The following RICTOR variants were observed in gnomAD, a reference collection of about 807,000 sequenced individuals.
RICTOR encodes RPTOR independent companion of MTOR complex 2, also known as rapamycin-insensitive companion of mTOR.
A neutral mutation model predicts 214.9 loss-of-function variants in RICTOR; 49 were observed. The observed-to-expected ratio is 0.23, with a 90% CI of 0.18 to 0.29. RICTOR has a LOEUF of 0.29. Ranked by LOEUF, RICTOR falls within the 10% of genes least tolerant of loss-of-function variation. The pLI, the probability that RICTOR is intolerant of heterozygous loss-of-function variation, is 1.00. For synonymous variants in RICTOR, 717 were observed against 711.3 expected (o/e 1.01, Z -0.13); for missense variants, 1,625 against 2,047.0 (o/e 0.79, Z 3.98).
At chr5:38,993,487 T>C (rs1008141195) in intron 6 of RICTOR, among the ~76,000 whole-genome samples, 2 of 151,634 alleles carry the variant, frequency 1.3e-5, no homozygotes, top group Non-Finnish European at 2.9e-5. Flanking sequence ...ATCAGAGACA[T>C]GGAAAAGAAA....
intron 2 of RICTOR, among the ~76,000 whole-genome samples, chr5:39,055,120 A>AT (rs1218128712): frequency 6.6e-6 from 1 of 152,048 alleles, no homozygotes; most frequent in Non-Finnish European, 1.5e-5. Flanking sequence ...GGGCAGAGTG[A>AT]TTTTTCTAAA....
In RICTOR at chr5:38,959,334, A is replaced by G. The variant is rs752982517; in HGVS notation, c.2052-13T>C. ...AAGATTAAGGAGACTTAAAAGAAAA[A>G]AAAAATAAGAATGGTTAAAAGAAAT... On this transcript the variant is annotated splice_polypyrimidine_tract_variant and intron_variant, in intron 21 of 37. Coordinates refer to ENST00000357387, the MANE Select transcript of RICTOR (RefSeq NM_152756.5). The G allele has an allele frequency of 7.0e-7, 1 of 1,425,634 alleles. No individual in the cohort carries two copies. The highest frequency in any genetic ancestry group is 2.2e-5 in the Admixed American group (1 of 44,518). The allele number at this position is 1,425,634 out of a possible 1,614,324, so 88.3% of individuals were successfully genotyped here. A position where few individuals can be genotyped will look rare whatever the true frequency, so the allele number is the denominator to read the frequency against.
chr5:38,958,783 T>C lies in RICTOR; in HGVS notation c.2227A>G (p.Asn743Asp). Residue 743 changes from asparagine (N) to aspartate (D), a missense_variant, in exon 23 of 38, where the codon AAT becomes GAT. Asn to Asp is a conservative substitution (Grantham distance 23). Transcript: ENST00000357387. ...CCCCAATTATTAAAGAATTCAACAT[T>C]AGCTCTCAATAATACCCTTAAATGT... ...TKHLRVLLRA[N>D]VEFFNNWGIE... The C allele has an allele frequency of 6.2e-7, 1 of 1,609,730 alleles. No homozygotes were observed. The highest frequency in any genetic ancestry group is 8.5e-7 in the Non-Finnish European group (1 of 1,177,262).
chr5:39,040,211 G>C (rs970744770), intron 2 of RICTOR, among the ~76,000 whole-genome samples: 1 of 150,960 alleles, frequency 6.6e-6, no homozygotes, highest in African/African-American at 2.4e-5. Context: ...GCAAACTATT[G>C]CAAGGACAAA....
chr5:38,949,982 G>C lies in RICTOR; in HGVS notation c.3866C>G (p.Pro1289Arg). ...LSKSNSVSLV[P>R]PGSSHTLPRR... ...AGGAAGCGTATGAGAAGAACCTGGA[G>C]GCACCAGGGACACCGAATTTGATTT... Residue 1289 changes from proline to arginine, a missense_variant, in exon 31 of 38, where the codon CCT becomes CGT. Coordinates refer to ENST00000357387, the MANE Select transcript of RICTOR (RefSeq NM_152756.5). 6.2e-7 allele frequency: 1 copy of C among 1,613,498 alleles called. No homozygotes were observed. The highest frequency in any genetic ancestry group is 8.5e-7 in the Non-Finnish European group (1 of 1,179,654).
intron 8 of RICTOR, among the ~76,000 whole-genome samples, chr5:38,979,572 C>T (rs1310674903): frequency 6.6e-6 from 1 of 152,022 alleles, no homozygotes; most frequent in African/African-American, 2.4e-5. Flanking sequence ...TTAATTTATA[C>T]AGTTTCAATG....
chr5:39,040,857 A>G (rs985553275), intron 2 of RICTOR, among the ~76,000 whole-genome samples: 2 of 152,244 alleles, frequency 1.3e-5, no homozygotes, highest in South Asian at 2.1e-4. Context: ...GGAGAGGAAC[A>G]TTAATAAATA....
rs1037408508 is a variant in RICTOR, at chr5:38,966,946, G to A, written c.1218+215C>T. ...CTCCTGAGTAGCTGGGACTACAGGGGTATGCCATCATGCATGGCTAATTTT... is the reference window on the plus strand; with the variant it reads ...CTCCTGAGTAGCTGGGACTACAGGGATATGCCATCATGCATGGCTAATTTT... On this transcript the variant is annotated intron_variant, in intron 14 of 37. Coordinates refer to ENST00000357387, the MANE Select transcript of RICTOR (RefSeq NM_152756.5). 19 of 607,396 alleles carry A rather than the reference G, an allele frequency of 3.1e-5. No homozygotes were observed. The Admixed American group carries it at 3.9e-4, about 12-fold the overall frequency. 37.6% of individuals were successfully genotyped at this position (607,396 alleles called of 1,614,324 possible).
At chr5:39,004,773 ACT>A (rs1297670974) in intron 3 of RICTOR, among the ~76,000 whole-genome samples, 11 of 123,888 alleles carry the variant, frequency 8.9e-5, no homozygotes, top group African/African-American at 2.1e-4. Context: ...GGCCTCTCAG[ACT>A]CTTTTTTTTT....
At position 39,004,924 on chromosome 5, in the gene RICTOR, G is replaced by C. The variant is rs1354197033; in HGVS notation, c.196-1302C>G. ...AGCCTCCCTAGTAGCTGGGATTACA[G>C]GCATGTGCCACCACGCCCAGCTAAT... On this transcript the variant is annotated intron_variant, in intron 3 of 37. Transcript: ENST00000357387. 2.0e-5 allele frequency among the ~76,000 whole-genome samples: 3 copies of C among 151,776 alleles called. No homozygotes were observed. The East Asian group carries it at 5.8e-4, about 30-fold the overall frequency.
intron 10 of RICTOR, among the ~76,000 whole-genome samples, chr5:38,972,691 G>A (rs907042720): frequency 1.3e-5 from 2 of 152,062 alleles, no homozygotes; most frequent in South Asian, 2.1e-4. Flanking sequence ...TTGGGAAAAA[G>A]TCTGGCAGTT....
At chr5:39,004,679 C>T (rs540210629) in intron 3 of RICTOR, among the ~76,000 whole-genome samples, 32 of 150,974 alleles carry the variant, frequency 2.1e-4, no homozygotes, top group Non-Finnish European at 3.5e-4. Flanking sequence ...AGGCTGGTCT[C>T]GAACTCCTGA....
rs763519224 is a variant in RICTOR, at chr5:38,968,001, T to C, written c.1002A>G (p.Ile334Met). The change falls in exon 12 of 38, where the codon ATA becomes ATG. Residue 334 changes from isoleucine (I) to methionine (M), a missense_variant. Ile to Met is a conservative substitution (Grantham distance 10). Coordinates refer to ENST00000357387, the MANE Select transcript of RICTOR (RefSeq NM_152756.5). Reference protein sequence around the residue: ...RRGLLEVLYDIFRLPLPVVTE... With the variant: ...RRGLLEVLYDMFRLPLPVVTE... ...TCACAACAGGTAGAGGAAGACGAAATATATCATAAAGCACTTCAAGTAGAC... is the reference window on the plus strand; with the variant it reads ...TCACAACAGGTAGAGGAAGACGAAACATATCATAAAGCACTTCAAGTAGAC... 1 of 1,606,960 alleles carries C rather than the reference T, an allele frequency of 6.2e-7. No individual in the cohort carries two copies. The highest frequency in any genetic ancestry group is 2.2e-5 in the East Asian group (1 of 44,744).
chr5:38,951,511 G>A (rs1748779017), intron 30 of RICTOR, among the ~76,000 whole-genome samples: 1 of 151,888 alleles, frequency 6.6e-6, no homozygotes, highest in African/African-American at 2.4e-5. Context: ...GCATCTTGTA[G>A]TATGTCCTAG....
chr5:38,957,597 T>C (rs1456373947), intron 25 of RICTOR, 55 bp downstream of exon 25: 1 of 936,212 alleles, frequency 1.1e-6, no homozygotes, highest in African/African-American at 1.7e-5. Flanking sequence ...AATTCACAAA[T>C]CAATTTCAGA....
intron 2 of RICTOR, among the ~76,000 whole-genome samples, chr5:39,030,167 TGCAGGTAGAA>T (rs1208472230): frequency 6.6e-6 from 1 of 152,184 alleles, no homozygotes; most frequent in Non-Finnish European, 1.5e-5. Context: ...TCATTTAATA[TGCAGGTAGAA>T]TTTGTTTTGC....
intron 27 of RICTOR, among the ~76,000 whole-genome samples, chr5:38,954,010 A>G (rs1749021459): frequency 6.6e-6 from 1 of 151,884 alleles, no homozygotes; most frequent in Non-Finnish European, 1.5e-5. Context: ...TTTTTAGTGA[A>G]ATTTTCAAAT....
intron 7 of RICTOR, among the ~76,000 whole-genome samples, chr5:38,984,430 T>A (rs945038254): frequency 2.6e-5 from 4 of 152,214 alleles, no homozygotes; most frequent in African/African-American, 9.6e-5. Flanking sequence ...TTTCTTGAGT[T>A]ATACTGGTTC....
chr5:39,073,957 C>A (rs528593230), intron 2 of RICTOR, among the ~76,000 whole-genome samples, 154 bp downstream of exon 2: 1 of 151,478 alleles, frequency 6.6e-6, no homozygotes, highest in Non-Finnish European at 1.5e-5. Context: ...CGGCCCCGGG[C>A]TCGGTTCCCG....
Sources: allele counts gnomAD v4.1 joint callset (sites outside exome capture counted in the v4.1 genomes callset), GRCh38; gene constraint gnomAD v4.1.1; transcripts MANE v1.5; gene names NCBI Gene and HGNC (gene_info 2026-07-23, HGNC 2026-07-21).